DNAH14: variants seen among roughly 807,000 people sequenced by gnomAD.
DNAH14 encodes dynein axonemal heavy chain 14, also known as axonemal beta dynein heavy chain 14.
A neutral mutation model predicts 520.9 loss-of-function variants in DNAH14; 478 were observed. That is an observed-to-expected ratio of 0.92 (90% CI 0.85 to 0.99). DNAH14 has a LOEUF of 0.99. Among genes scored for constraint, DNAH14 ranks in the 50% least tolerant of loss-of-function variants. DNAH14 has a pLI of 0.00. For synonymous variants in DNAH14, 1,581 were observed against 1,757.2 expected, an observed-to-expected ratio of 0.90 and a Z score of 2.51; for missense variants, 4,831 against 5,234.5, an observed-to-expected ratio of 0.92 and a Z score of 2.38.
Position 224,929,838 on chromosome 1 carries a change from A to G in DNAH14, c.-34+3A>G, listed in dbSNP as rs1267409690. ...GCCGTCGGACCACGGCGCGGCGGGT[A>G]AGGTCGTCAGCGTCTTCCTGTCAGC... On this transcript the variant is annotated splice_donor_region_variant and intron_variant, in intron 1 of 85. Coordinates refer to ENST00000682510, the MANE Select transcript of DNAH14 (RefSeq NM_001367479.1). The G allele has an allele frequency of 2.9e-6, 2 of 689,094 alleles. No individual in the cohort carries two copies. The highest frequency in any genetic ancestry group is 4.0e-5 in the Admixed American group (2 of 49,430). 42.7% of individuals were successfully genotyped at this position (689,094 alleles called of 1,614,324 possible).
At chr1:225,322,089 T>C (rs902879821) in intron 61 of DNAH14, among the ~76,000 whole-genome samples, 6 of 110,558 alleles carry the variant, frequency 5.4e-5, no homozygotes, top group Admixed American at 1.7e-4. Context: ...TTCTTTCTTT[T>C]TTTTTTTTTT....
chr1:225,119,360 A>G, intron 26 of DNAH14, 66 bp downstream of exon 26: 2 of 1,129,318 alleles, frequency 1.8e-6, no homozygotes, highest in Non-Finnish European at 2.4e-6. Context: ...ATATATATAC[A>G]CACACATTTT....
chr1:225,043,775 A>G lies in DNAH14; in HGVS notation c.1800A>G (p.Lys600=), dbSNP rs774643976. Residue 600 remains lysine, a synonymous_variant, in exon 14 of 86, where the codon AAA becomes AAG. Coordinates refer to ENST00000682510, the MANE Select transcript of DNAH14 (RefSeq NM_001367479.1). ...AAATTGAGACTGAGTTTGAGAATAA[A>G]TACATGTATTATGAGTAAGTATTAG... ...DTEIETEFEN[K]YMYYEFPEFP... is the part of the protein sequence containing the mutation. 7 of 1,469,072 alleles carry G rather than the reference A, an allele frequency of 4.8e-6. No homozygotes were observed. In the African/African-American group the frequency reaches 9.8e-5, roughly 21 times the overall value. 91.0% of individuals were successfully genotyped at this position (1,469,072 alleles called of 1,614,324 possible).
chr1:225,259,055 T>C, intron 45 of DNAH14, 66 bp from the exon 46 acceptor site: 1 of 1,413,600 alleles, frequency 7.1e-7, no homozygotes, highest in Non-Finnish European at 9.3e-7. Context: ...TATTGGTTCA[T>C]TTTAATGTGT....
intron 41 of DNAH14, among the ~76,000 whole-genome samples, chr1:225,215,441 A>T (rs1311011440): frequency 6.6e-6 from 1 of 152,186 alleles, no homozygotes; most frequent in Non-Finnish European, 1.5e-5. Flanking sequence ...TGCAGAGCTG[A>T]GTTCAATTCC....
chr1:225,166,178 T>G lies in DNAH14; in HGVS notation c.5446-1761T>G, dbSNP rs538151911. 3.9e-4 allele frequency among the ~76,000 whole-genome samples: 59 copies of G among 152,324 alleles called. No individual in the cohort carries two copies. The South Asian group carries it at 0.012, about 31-fold the overall frequency. On this transcript the variant is annotated intron_variant, in intron 35 of 85. Coordinates refer to ENST00000682510, the MANE Select transcript of DNAH14 (RefSeq NM_001367479.1). ...GTTTTGGGTGCCTCTTGTGCTAGTT[T>G]TAACATTTTTCAAGTATTTCCACAT...
At chr1:225,217,554 T>C (rs1219257560) in intron 41 of DNAH14, among the ~76,000 whole-genome samples, 1 of 152,124 alleles carries the variant, frequency 6.6e-6, no homozygotes, top group Non-Finnish European at 1.5e-5. Context: ...CTCCACCCAA[T>C]TGGAGCTTCC....
chr1:225,308,703 G>C (rs1382222815), intron 60 of DNAH14, among the ~76,000 whole-genome samples: 1 of 152,236 alleles, frequency 6.6e-6, no homozygotes, highest in East Asian at 1.9e-4. Context: ...CCAAAAGCAC[G>C]TTTGGCCTTC....
At chr1:225,187,804 G>C (rs552551346) in intron 37 of DNAH14, among the ~76,000 whole-genome samples, 1 of 151,790 alleles carries the variant, frequency 6.6e-6, no homozygotes, top group Non-Finnish European at 1.5e-5. Context: ...TCTTTTTGTT[G>C]TTCAGTTGTG....
intron 17 of DNAH14, among the ~76,000 whole-genome samples, chr1:225,075,303 G>A (rs2072123886): frequency 1.3e-5 from 2 of 152,016 alleles, no homozygotes; most frequent in South Asian, 4.1e-4. Context: ...TGTTCTCCGT[G>A]GGTCGAGTTG....
intron 35 of DNAH14, among the ~76,000 whole-genome samples, chr1:225,159,697 G>A (rs1017183880): frequency 6.6e-6 from 1 of 152,090 alleles, no homozygotes; most frequent in Non-Finnish European, 1.5e-5. Flanking sequence ...AATGAACCAT[G>A]TACCTTTAGG....
At chr1:225,210,081 G>C (rs1203689266) in intron 41 of DNAH14, among the ~76,000 whole-genome samples, 1 of 152,006 alleles carries the variant, frequency 6.6e-6, no homozygotes, top group Non-Finnish European at 1.5e-5. Flanking sequence ...GGCTATTACG[G>C]CAGACACCGA....
At chr1:225,043,156 G>T in intron 13 of DNAH14, 42 bp downstream of exon 13, 1 of 1,510,404 alleles carries the variant, frequency 6.6e-7, no homozygotes. Flanking sequence ...GTTGCCAGGT[G>T]TGGTGGCTCA....
At chr1:225,106,595 C>A (rs555206209) in intron 23 of DNAH14, among the ~76,000 whole-genome samples, 2 of 151,922 alleles carry the variant, frequency 1.3e-5, no homozygotes, top group Non-Finnish European at 2.9e-5. Context: ...ATTCTTTTTT[C>A]TCTAAACTTT....
At chr1:225,290,486 T>A (rs2093842750) in intron 55 of DNAH14, among the ~76,000 whole-genome samples, 1 of 151,574 alleles carries the variant, frequency 6.6e-6, no homozygotes, top group East Asian at 1.9e-4. Context: ...ATCTACAATC[T>A]GCTCTTACAG....
At chr1:225,144,132 C>A (rs2079703752) in intron 28 of DNAH14, among the ~76,000 whole-genome samples, 1 of 152,158 alleles carries the variant, frequency 6.6e-6, no homozygotes, top group Non-Finnish European at 1.5e-5. Context: ...TGACATCACA[C>A]CAAAGCAGCA....
chr1:225,064,658 A>G (rs1029124962), intron 17 of DNAH14, among the ~76,000 whole-genome samples: 2 of 152,184 alleles, frequency 1.3e-5, no homozygotes, highest in Admixed American at 6.5e-5. Flanking sequence ...GAAGCCAGAC[A>G]CAAAGGAGTA....
chr1:224,944,840 T>C (rs2059685691), intron 1 of DNAH14, among the ~76,000 whole-genome samples: 1 of 152,222 alleles, frequency 6.6e-6, no homozygotes, highest in South Asian at 2.1e-4. Context: ...TTTTGGCTTG[T>C]AGAGTTTCTG....
chr1:225,173,937 A>G (rs559916437), intron 36 of DNAH14, among the ~76,000 whole-genome samples: 3 of 152,364 alleles, frequency 2.0e-5, no homozygotes, highest in African/African-American at 7.2e-5. Flanking sequence ...GGCATAAAAA[A>G]ATGATGAGTT....
Sources: allele counts gnomAD v4.1 joint callset (sites outside exome capture counted in the v4.1 genomes callset), GRCh38; gene constraint gnomAD v4.1.1; transcripts MANE v1.5; gene names NCBI Gene and HGNC (gene_info 2026-07-23, HGNC 2026-07-21).